Variants in ROBO2 observed in about 807,000 individuals in gnomAD.
ROBO2 encodes the protein roundabout homolog 2.
In ROBO2, 53 loss-of-function variants were observed where a neutral mutation model predicts 160.8. The observed-to-expected ratio is 0.33, with a 90% confidence interval of 0.26 to 0.41. ROBO2 has a LOEUF of 0.41. Ranked by LOEUF, ROBO2 falls within the 10% of genes least tolerant of loss-of-function variation. The pLI, the probability that ROBO2 is intolerant of heterozygous loss-of-function variation, is 1.00. For missense variants in ROBO2, 1,577 were observed against 1,722.4 expected (o/e 0.92, Z 1.49); for synonymous variants, 664 against 611.7 (o/e 1.09, Z -1.26).
intron 2 of ROBO2, among the ~76,000 whole-genome samples, chr3:76,309,530 A>T (rs1013975710): frequency 2.0e-5 from 3 of 152,196 alleles, no homozygotes; most frequent in African/African-American, 7.2e-5. Flanking sequence ...TATGTGGCTT[A>T]TCTTAACAAG....
chr3:76,775,907 T>G (rs545912744), intron 2 of ROBO2, among the ~76,000 whole-genome samples: 2 of 150,836 alleles, frequency 1.3e-5, no homozygotes, highest in African/African-American at 4.8e-5. Flanking sequence ...GGATATATTG[T>G]GTATTGTCTA....
intron 2 of ROBO2, among the ~76,000 whole-genome samples, chr3:76,055,128 A>T (rs910385024): frequency 5.3e-5 from 8 of 152,124 alleles, no homozygotes; most frequent in Admixed American, 2.6e-4. Flanking sequence ...GGAAGAGGGC[A>T]TGTGCTTTAT....
intron 2 of ROBO2, among the ~76,000 whole-genome samples, chr3:77,021,500 C>T (rs1267518150): frequency 3.3e-5 from 5 of 152,180 alleles, no homozygotes; most frequent in African/African-American, 1.2e-4. Context: ...AATTATCTGA[C>T]CTACCTTGTC....
At chr3:77,511,024 T>C (rs2089322860) in intron 5 of ROBO2, among the ~76,000 whole-genome samples, 1 of 151,874 alleles carries the variant, frequency 6.6e-6, no homozygotes, top group Admixed American at 6.6e-5. Context: ...GCAAGCACAG[T>C]GAAAAATCCT....
chr3:76,707,525 A>G (rs1407364991), intron 2 of ROBO2, among the ~76,000 whole-genome samples: 1 of 151,874 alleles, frequency 6.6e-6, no homozygotes, highest in Non-Finnish European at 1.5e-5. Context: ...CTCATACCAC[A>G]CTGGAGCATG....
chr3:76,303,053 T>C (rs528136696), intron 2 of ROBO2, among the ~76,000 whole-genome samples: 11 of 152,238 alleles, frequency 7.2e-5, no homozygotes, highest in Admixed American at 5.9e-4. Context: ...CAATAAACCA[T>C]GTCAACCTTT....
At chr3:77,018,426 A>G (rs1445320395) in intron 2 of ROBO2, among the ~76,000 whole-genome samples, 1 of 152,160 alleles carries the variant, frequency 6.6e-6, no homozygotes, top group African/African-American at 2.4e-5. Context: ...GTACACACTC[A>G]ATATGTTTAA....
At chr3:76,095,062 G>A (rs1197113586) in intron 2 of ROBO2, among the ~76,000 whole-genome samples, 5 of 152,138 alleles carry the variant, frequency 3.3e-5, no homozygotes, top group Admixed American at 2.0e-4. Context: ...GTAGGAAAAA[G>A]CGATATGGAA....
At chr3:75,936,155 T>C (rs530436421) in intron 1 of ROBO2, among the ~76,000 whole-genome samples, 56 of 152,334 alleles carry the variant, frequency 3.7e-4, no homozygotes, top group African/African-American at 1.3e-3. Flanking sequence ...ACTCATTTGG[T>C]CATTTAAAAT....
At chr3:77,307,609 G>A (rs2153418905) in intron 2 of ROBO2, among the ~76,000 whole-genome samples, 1 of 152,296 alleles carries the variant, frequency 6.6e-6, no homozygotes, top group South Asian at 2.1e-4. Flanking sequence ...GGGGCAAGGT[G>A]CGGTAGCTCA....
At chr3:76,149,199 A>G (rs1360367993) in intron 2 of ROBO2, among the ~76,000 whole-genome samples, 1 of 152,052 alleles carries the variant, frequency 6.6e-6, no homozygotes, top group African/African-American at 2.4e-5. Context: ...ATGACAAGCA[A>G]TTTCCACTTT....
At chr3:77,131,951 T>C (rs546014145) in intron 2 of ROBO2, among the ~76,000 whole-genome samples, 1 of 152,270 alleles carries the variant, frequency 6.6e-6, no homozygotes, top group Non-Finnish European at 1.5e-5. Flanking sequence ...AGTAATATTC[T>C]AAAATAGTGT....
intron 2 of ROBO2, among the ~76,000 whole-genome samples, chr3:75,960,415 C>T (rs1166768744): frequency 6.6e-6 from 1 of 151,838 alleles, no homozygotes; most frequent in Admixed American, 6.6e-5. Context: ...AGCAAGTTAA[C>T]ATAATGTTTA....
intron 2 of ROBO2, among the ~76,000 whole-genome samples, chr3:76,246,474 C>T (rs946656427): frequency 6.6e-6 from 1 of 152,078 alleles, no homozygotes; most frequent in African/African-American, 2.4e-5. Flanking sequence ...TTCTGGTTTA[C>T]AACTTTTTCC....
intron 2 of ROBO2, among the ~76,000 whole-genome samples, chr3:76,881,344 A>G (rs2073319178): frequency 1.3e-5 from 2 of 152,178 alleles, no homozygotes; most frequent in Non-Finnish European, 2.9e-5. Context: ...CAGTGAAGTA[A>G]ATATAAAGAC....
chr3:76,840,778 T>C (rs2068182482), intron 2 of ROBO2, among the ~76,000 whole-genome samples: 2 of 151,758 alleles, frequency 1.3e-5, no homozygotes, highest in African/African-American at 4.8e-5. Flanking sequence ...AATATTGTCA[T>C]TTTAGCCAAA....
chr3:77,332,646 T>C lies in ROBO2; in HGVS notation c.389-144768T>C, dbSNP rs1560556248. Among the ~76,000 whole-genome samples the C allele has an allele frequency of 1.3e-5, 2 of 152,226 alleles. 1 individual carries two copies. Among genetic ancestry groups the C allele is most frequent in the African/African-American group, 4.8e-5 (2 of 41,456 alleles). On this transcript the variant is annotated intron_variant, in intron 2 of 25. Transcript: ENST00000461745. ...ACATAACTGTTATGTACATAATGTA[T>C]ATTTAGTACATAAAAGTTACATAAT... is the stretch of plus-strand genomic sequence containing the variant.
chr3:77,167,578 A>G (rs565125908), intron 2 of ROBO2, among the ~76,000 whole-genome samples: 1 of 152,272 alleles, frequency 6.6e-6, no homozygotes, highest in Admixed American at 6.5e-5. Flanking sequence ...TTTGCCCTGT[A>G]TTTCATTTCA....
intron 2 of ROBO2, among the ~76,000 whole-genome samples, chr3:76,389,525 A>G (rs1467414799): frequency 2.6e-5 from 4 of 152,174 alleles, no homozygotes; most frequent in Non-Finnish European, 5.9e-5. Flanking sequence ...GTTGAGATGC[A>G]TTTTCTCCAA....
Sources: allele counts gnomAD v4.1 joint callset (sites outside exome capture counted in the v4.1 genomes callset), GRCh38; gene constraint gnomAD v4.1.1; transcripts MANE v1.5; gene names NCBI Gene and HGNC (gene_info 2026-07-23, HGNC 2026-07-21).